Variants in FAAH2 observed in about 807,000 individuals in gnomAD.
FAAH2 encodes fatty acid amide hydrolase 2.
Under a neutral mutation model 36.9 loss-of-function variants are expected in FAAH2, and 60 were observed. That is an observed-to-expected ratio of 1.63 (90% CI 1.32 to 2.02). FAAH2 has a LOEUF of 2.02. Ranked by LOEUF, FAAH2 falls within the 30% of genes most tolerant of loss-of-function variation. The pLI is 0.00. For missense variants in FAAH2, 689 were observed against 397.5 expected (o/e 1.73, Z -6.23); for synonymous variants, 214 against 143.8 (o/e 1.49, Z -3.49).
chrX:57,239,352 C>G, the FAAH2 span, among the ~76,000 whole-genome samples: 1 of 111,285 alleles, frequency 9.0e-6, no homozygotes, highest in Non-Finnish European at 1.9e-5. Flanking sequence ...TTGAAATTAT[C>G]TTTAAGAATG....
the FAAH2 span, among the ~76,000 whole-genome samples, chrX:57,221,104 C>A: frequency 3.6e-5 from 4 of 111,170 alleles, no homozygotes; most frequent in African/African-American, 1.3e-4. Flanking sequence ...AGTCTCCAAA[C>A]CTCGAGTCCC....
chrX:57,242,414 A>G, the FAAH2 span, among the ~76,000 whole-genome samples: 4 of 112,283 alleles, frequency 3.6e-5, no homozygotes, highest in Non-Finnish European at 7.5e-5. Context: ...TAACATCAAC[A>G]TCAAAGAAAA....
intron 2 of FAAH2, among the ~76,000 whole-genome samples, chrX:57,307,129 T>A (rs1278043689): frequency 2.0e-5 from 2 of 100,029 alleles, no homozygotes; most frequent in East Asian, 6.4e-4. Context: ...GCTAGACAAA[T>A]AACCAAATAA....
chrX:57,425,167 C>G (rs1113635), intron 7 of FAAH2, among the ~76,000 whole-genome samples: 39,986 of 110,134 alleles, frequency 0.36, 6,217 homozygotes, highest in Middle Eastern at 0.61. Flanking sequence ...AATTAATCCA[C>G]TCTGACAAAA....
At chrX:57,324,223 A>G (rs1602274667) in intron 3 of FAAH2, among the ~76,000 whole-genome samples, 4 of 112,026 alleles carry the variant, frequency 3.6e-5, no homozygotes, top group Admixed American at 9.5e-5. Flanking sequence ...TACCAGTACC[A>G]TGCTGTTTTG....
the FAAH2 span, among the ~76,000 whole-genome samples, chrX:57,229,725 C>T: frequency 1.8e-5 from 2 of 111,340 alleles, no homozygotes; most frequent in African/African-American, 6.5e-5. Context: ...TATCATGACA[C>T]CAAACCCCCA....
chrX:57,356,536 G>T (rs1347550825), intron 5 of FAAH2, among the ~76,000 whole-genome samples: 2 of 109,985 alleles, frequency 1.8e-5, no homozygotes, highest in African/African-American at 6.6e-5. Flanking sequence ...CAAATTTATT[G>T]ATCTATATTT....
the FAAH2 span, among the ~76,000 whole-genome samples, chrX:57,127,987 A>T: frequency 8.9e-6 from 1 of 112,345 alleles, no homozygotes; most frequent in African/African-American, 3.2e-5. Flanking sequence ...ATAATATTTC[A>T]AATGATACAT....
chrX:57,445,793 G>T (rs2056661463), intron 8 of FAAH2, among the ~76,000 whole-genome samples: 1 of 112,607 alleles, frequency 8.9e-6, no homozygotes, highest in Non-Finnish European at 1.9e-5. Flanking sequence ...AAGGAAGGGT[G>T]ATGCATGCAC....
chrX:57,278,556 C>A, the FAAH2 span, among the ~76,000 whole-genome samples: 2 of 110,719 alleles, frequency 1.8e-5, no homozygotes, highest in Non-Finnish European at 3.8e-5. Context: ...AAAGCAATGG[C>A]AACAAAAGCC....
chrX:57,218,328 C>T, the FAAH2 span, among the ~76,000 whole-genome samples: 1 of 111,707 alleles, frequency 9.0e-6, no homozygotes, highest in Non-Finnish European at 1.9e-5. Context: ...ATTTTGTTGA[C>T]TCTGGGTTTG....
At chrX:57,272,683 A>T in the FAAH2 span, among the ~76,000 whole-genome samples, 49 of 112,241 alleles carry the variant, frequency 4.4e-4, no homozygotes, top group African/African-American at 1.6e-3. Context: ...AAGAAATAAA[A>T]TCCTTTACAG....
rs555961894 is a variant in FAAH2 at position 57,388,082 on chromosome X, A to G, written c.996+7053A>G. ...ATGATGTTAAGGTTCTCCTGTCAGA[A>G]TAAATAGCCAAGAAGAAATGAAAAC... On this transcript the variant is annotated intron_variant, in intron 7 of 10. Transcript: ENST00000374900. Among the ~76,000 whole-genome samples, 4 of 111,740 alleles carry G rather than the reference A, an allele frequency of 3.6e-5. 1 individual carries two copies. Among genetic ancestry groups the G allele is most frequent in the African/African-American group, 1.3e-4 (4 of 30,884 alleles).
chrX:57,244,561 G>T, the FAAH2 span, among the ~76,000 whole-genome samples: 5 of 111,575 alleles, frequency 4.5e-5, no homozygotes, highest in Admixed American at 1.9e-4. Context: ...AGTCAGAAGA[G>T]TGGGGCCAAT....
chrX:57,358,578 T>TAG (rs1318245363), intron 5 of FAAH2, among the ~76,000 whole-genome samples: 20 of 111,267 alleles, frequency 1.8e-4, no homozygotes, highest in Non-Finnish European at 3.4e-4. Context: ...TGTGTATATA[T>TAG]ATAGAGAGAG....
At chrX:57,157,844 T>C in the FAAH2 span, among the ~76,000 whole-genome samples, 3 of 111,049 alleles carry the variant, frequency 2.7e-5, no homozygotes, top group Non-Finnish European at 5.7e-5. Context: ...CTCTTGAACT[T>C]CTTTCTTTCT....
At chrX:57,328,709 A>T (rs1224033441) in intron 3 of FAAH2, among the ~76,000 whole-genome samples, 1 of 111,116 alleles carries the variant, frequency 9.0e-6, no homozygotes, top group African/African-American at 3.3e-5. Flanking sequence ...TCAACATTTA[A>T]AGTTGTTTTT....
At chrX:57,292,962 C>A (rs751605376) in intron 2 of FAAH2, among the ~76,000 whole-genome samples, 4 of 111,725 alleles carry the variant, frequency 3.6e-5, no homozygotes, top group Non-Finnish European at 7.5e-5. Context: ...GTGTATTTAG[C>A]ATAGTAGATA....
At chrX:57,246,489 A>G in the FAAH2 span, among the ~76,000 whole-genome samples, 2 of 111,841 alleles carry the variant, frequency 1.8e-5, no homozygotes, top group African/African-American at 6.5e-5. Flanking sequence ...CTAGCAAGCC[A>G]AATCCAGCAG....
Sources: allele counts gnomAD v4.1 joint callset (sites outside exome capture counted in the v4.1 genomes callset), GRCh38; gene constraint gnomAD v4.1.1; transcripts MANE v1.5; gene names NCBI Gene and HGNC (gene_info 2026-07-23, HGNC 2026-07-21).